DEK: variants seen among roughly 807,000 people sequenced by gnomAD.
DEK encodes the protein protein DEK.
DEK carries 28 observed loss-of-function variants against 46.8 expected under a neutral mutation model. The observed-to-expected ratio is 0.60, with a 90% confidence interval of 0.44 to 0.82. The LOEUF (loss-of-function observed/expected upper bound fraction) is 0.82, where lower values mean the gene tolerates loss of function less well. Among genes scored for constraint, DEK ranks in the 40% least tolerant of loss-of-function variants. The probability of loss-of-function intolerance (pLI) is 0.00; values close to 1 mark genes in which losing one functional copy is unlikely to be tolerated. For synonymous variants in DEK, 160 were observed against 144.5 expected (o/e 1.11, Z -0.77); for missense variants, 416 against 430.6 (o/e 0.97, Z 0.30).
At chr6:18,255,048 G>C (rs1432997650) in intron 6 of DEK, among the ~76,000 whole-genome samples, 1 of 152,056 alleles carries the variant, frequency 6.6e-6, no homozygotes, top group Admixed American at 6.6e-5. Context: ...TGTCAAGATG[G>C]GGAAGAATAT....
intron 2 of DEK, 130 bp downstream of exon 2, chr6:18,263,713 A>G (rs576959844): frequency 6.3e-7 from 1 of 1,582,630 alleles, no homozygotes; most frequent in Admixed American, 1.9e-5. Flanking sequence ...TTGTGCACAC[A>G]TTCTCGCTGA....
rs539995106 is a variant in DEK at position 18,263,847 on chromosome 6, TTCCTCCTCC to T, written c.132_140del (p.Glu45_Glu47del). On this transcript the variant is annotated inframe_deletion, in exon 2 of 11. Transcript: ENST00000652689. ...TTGGGATGCGACTCCCCCCACCTTT[TTCCTCCTCC>T]TCCTCCTCCTCGTCGTCCTCGTCCT... is the stretch of plus-strand genomic sequence containing the variant. 4.3e-6 allele frequency: 7 copies of T among 1,611,642 alleles called. No individual in the cohort carries two copies. The highest frequency in any genetic ancestry group is 1.7e-5 in the Admixed American group (1 of 59,704).
intron 7 of DEK, among the ~76,000 whole-genome samples, chr6:18,241,004 T>G (rs1216269145): frequency 1.3e-5 from 2 of 152,258 alleles, no homozygotes; most frequent in East Asian, 3.8e-4. Context: ...AGCAACCAGC[T>G]GTAAATTCTT....
intron 6 of DEK, 95 bp downstream of exon 6, chr6:18,255,636 A>G: frequency 7.1e-7 from 1 of 1,407,202 alleles, no homozygotes; most frequent in Non-Finnish European, 9.5e-7. Context: ...GATATGAACG[A>G]ATACTGACAG....
At chr6:18,230,324 C>T (rs1403342866) in intron 9 of DEK, among the ~76,000 whole-genome samples, 9 of 152,016 alleles carry the variant, frequency 5.9e-5, no homozygotes, top group Admixed American at 2.0e-4. Context: ...CATCAACTAA[C>T]GAGCAAAATA....
intron 7 of DEK, among the ~76,000 whole-genome samples, chr6:18,241,076 G>A (rs1790872843): frequency 6.6e-6 from 1 of 152,198 alleles, no homozygotes; most frequent in Non-Finnish European, 1.5e-5. Flanking sequence ...GCTGAGTTAA[G>A]AAATCATGAA....
chr6:18,233,692 A>G (rs933772211), intron 9 of DEK, among the ~76,000 whole-genome samples: 1 of 152,180 alleles, frequency 6.6e-6, no homozygotes, highest in African/African-American at 2.4e-5. Flanking sequence ...AAAAGTCAGG[A>G]AACAACAGGT....
rs374402712 is a variant in DEK, at chr6:18,253,460, G to A, written c.573+2271C>T. Among the ~76,000 whole-genome samples, 83 of 152,254 alleles carry A rather than the reference G, an allele frequency of 5.5e-4. 2 individuals carry two copies. The South Asian group carries it at 9.5e-3, about 17-fold the overall frequency. Reference sequence around the variant, plus strand: ...TTAATGAGCATGATTTAATGACAGTGTTCAATAAAACGTCAACATTTGGAA... The same window carrying A: ...TTAATGAGCATGATTTAATGACAGTATTCAATAAAACGTCAACATTTGGAA... On this transcript the variant is annotated intron_variant, in intron 6 of 10. Coordinates refer to ENST00000652689, the MANE Select transcript of DEK (RefSeq NM_003472.4).
intron 6 of DEK, among the ~76,000 whole-genome samples, chr6:18,251,042 G>C (rs1285155445): frequency 6.6e-6 from 1 of 152,124 alleles, no homozygotes; most frequent in Non-Finnish European, 1.5e-5. Context: ...AAAATGAGTT[G>C]ATTACAGTAA....
intron 2 of DEK, among the ~76,000 whole-genome samples, chr6:18,262,933 A>T (rs1353090298): frequency 6.6e-6 from 1 of 152,082 alleles, no homozygotes; most frequent in Non-Finnish European, 1.5e-5. Context: ...GTTGAGGCTT[A>T]AAAAAAATCC....
intron 6 of DEK, among the ~76,000 whole-genome samples, chr6:18,254,031 T>C (rs1791501911): frequency 6.6e-6 from 1 of 151,724 alleles, no homozygotes; most frequent in African/African-American, 2.4e-5. Flanking sequence ...AAACAATACA[T>C]TGCAAAAGAC....
Position 18,258,422 on chromosome 6 carries a change from T to C in DEK, c.146-17A>G, listed in dbSNP as rs758115034. ...GACTCTTTTCTAGAAATTAATTTAG[T>C]ATTTCTTAATTAACAAAAAGCTTAA... On this transcript the variant is annotated splice_polypyrimidine_tract_variant and intron_variant, in intron 2 of 10. Transcript: ENST00000652689. 2 of 1,565,380 alleles carry C rather than the reference T, an allele frequency of 1.3e-6. No individual in the cohort carries two copies. Among genetic ancestry groups the C allele is most frequent in the Non-Finnish European group, 1.8e-6 (2 of 1,139,684 alleles).
chr6:18,247,524 T>A (rs1022967454), intron 7 of DEK, among the ~76,000 whole-genome samples: 7 of 152,170 alleles, frequency 4.6e-5, no homozygotes, highest in African/African-American at 1.7e-4. Context: ...AAGGTTTGAT[T>A]TATAGTGAGA....
At chr6:18,238,139 G>C (rs199857871) in intron 7 of DEK, among the ~76,000 whole-genome samples, 1 of 152,018 alleles carries the variant, frequency 6.6e-6, no homozygotes, top group East Asian at 2.0e-4. Flanking sequence ...AAAGTGCTGG[G>C]ATTACAGGCA....
chr6:18,256,000 T>G, intron 5 of DEK, 149 bp from the exon 6 acceptor site: 1 of 1,024,804 alleles, frequency 9.8e-7, no homozygotes, highest in Middle Eastern at 2.7e-4. Flanking sequence ...TTTCTTTTTT[T>G]TTTTTTGAGA....
chr6:18,241,314 G>A (rs1214778870), intron 7 of DEK, among the ~76,000 whole-genome samples: 2 of 152,156 alleles, frequency 1.3e-5, no homozygotes, highest in African/African-American at 4.8e-5. Context: ...AACACAGGGA[G>A]AGCTGACAAG....
intron 7 of DEK, among the ~76,000 whole-genome samples, chr6:18,240,116 TACACA>T (rs1335967907): frequency 6.6e-6 from 1 of 152,204 alleles, no homozygotes; most frequent in African/African-American, 2.4e-5. Flanking sequence ...TTAGATGTGA[TACACA>T]ACATGACATC....
intron 9 of DEK, among the ~76,000 whole-genome samples, chr6:18,227,134 G>A (rs1246503945): frequency 6.6e-6 from 1 of 152,076 alleles, no homozygotes; most frequent in Non-Finnish European, 1.5e-5. Context: ...GGAAAGACCT[G>A]ACCGTCCCCC....
chr6:18,252,523 A>AG (rs1561988243), intron 6 of DEK, among the ~76,000 whole-genome samples: 1 of 150,544 alleles, frequency 6.6e-6, no homozygotes, highest in East Asian at 1.9e-4. Flanking sequence ...AAAAAAAAAA[A>AG]AAAAAAAAAA....
Sources: gnomAD v4.1 joint callset for allele counts (sites outside exome capture counted in the v4.1 genomes callset) on GRCh38, gnomAD v4.1.1 for gene constraint, MANE v1.5 for transcripts, NCBI Gene and HGNC (gene_info 2026-07-23, HGNC 2026-07-21) for gene names.